The following TRIM33 variants were observed in gnomAD, a reference collection of about 807,000 sequenced individuals.
TRIM33 encodes the protein E3 ubiquitin-protein ligase TRIM33.
Under a neutral mutation model 125.4 loss-of-function variants are expected in TRIM33, and 20 were observed. The observed-to-expected ratio is 0.16, with a 90% CI of 0.11 to 0.23. The LOEUF (loss-of-function observed/expected upper bound fraction) is 0.23, where lower values mean the gene tolerates loss of function less well. Ranked by LOEUF, TRIM33 falls within the 10% of genes least tolerant of loss-of-function variation. The pLI is 1.00. For missense variants in TRIM33, 920 were observed against 1,411.4 expected (o/e 0.65, Z 5.58); for synonymous variants, 564 against 513.9 (o/e 1.10, Z -1.32).
At chr1:114,484,706 T>TA (rs997594572) in intron 1 of TRIM33, among the ~76,000 whole-genome samples, 1 of 151,826 alleles carries the variant, frequency 6.6e-6, no homozygotes, top group Admixed American at 6.6e-5. Flanking sequence ...CTACTAAAAA[T>TA]AAAGAAAAAT....
In TRIM33 at chr1:114,502,192, C is replaced by A. The variant is rs555640492; in HGVS notation, c.526+8359G>T. Among the ~76,000 whole-genome samples the A allele has an allele frequency of 5.9e-5, 9 of 152,270 alleles. No homozygotes were observed. The East Asian group carries it at 1.7e-3, about 29-fold the overall frequency. On this transcript the variant is annotated intron_variant, in intron 1 of 19. Coordinates refer to ENST00000358465, the MANE Select transcript of TRIM33 (RefSeq NM_015906.4). ...GGCTTTTTCTGAACTGTTATGGGTA[C>A]TCCAAAATGAAGAACTATAAATGTA...
At chr1:114,428,023 A>G (rs1647700541) in intron 6 of TRIM33, 129 bp from the exon 7 acceptor site, 2 of 917,990 alleles carry the variant, frequency 2.2e-6, no homozygotes, top group Non-Finnish European at 3.2e-6. Context: ...CTCCATGATT[A>G]TTTAGCAAGC....
chr1:114,435,230 C>T (rs953532514), intron 4 of TRIM33, among the ~76,000 whole-genome samples: 2 of 152,168 alleles, frequency 1.3e-5, no homozygotes, highest in African/African-American at 4.8e-5. Flanking sequence ...AAGACAGTAA[C>T]TCATATCAGA....
chr1:114,424,786 A>G, intron 9 of TRIM33, 31 bp from the exon 10 acceptor site: 1 of 1,368,250 alleles, frequency 7.3e-7, no homozygotes, highest in African/African-American at 1.5e-5. Flanking sequence ...AATTTATGTA[A>G]TAATTTTAAA....
At position 114,430,907 on chromosome 1, in the gene TRIM33, T is replaced by C; in HGVS notation, c.1046A>G (p.Lys349Arg). 6.5e-7 allele frequency: 1 copy of C among 1,547,120 alleles called. No homozygotes were observed. The highest frequency in any genetic ancestry group is 8.9e-7 in the Non-Finnish European group (1 of 1,119,398). The change falls in exon 6 of 20, where the codon AAA becomes AGA. Residue 349 changes from lysine (K) to arginine (R), a missense_variant. Lys to Arg is a conservative substitution (Grantham distance 26). This residue lies in a region of TRIM33 where 50 missense variants were observed against 110.8 expected (regional missense o/e 0.45). Coordinates refer to ENST00000358465, the MANE Select transcript of TRIM33 (RefSeq NM_015906.4). ...FAATQVQNRI[K>R]EVNETNKRVE... ...TCGTTTGTTAGTCTCATTTACTTCT[T>C]TTATCCTGAATAAGAGAAATGCATC...
chr1:114,405,314 T>C (rs752431537), intron 15 of TRIM33, 96 bp downstream of exon 15: 7 of 873,782 alleles, frequency 8.0e-6, no homozygotes, highest in Non-Finnish European at 1.3e-5. Flanking sequence ...AGAAATACTA[T>C]GCACTGGTTA....
At chr1:114,487,903 CAAAAAAAAAAA>C (rs573681532) in intron 1 of TRIM33, among the ~76,000 whole-genome samples, 16 of 36,636 alleles carry the variant, frequency 4.4e-4, no homozygotes, top group South Asian at 4.2e-3. Context: ...GACTCCGTCT[CAAAAAAAAAAA>C]AAAAAAAAAA....
rs1051362468 is a variant in TRIM33 at position 114,393,771 on chromosome 1, CACTT to C, written c.*3873_*3876del. The C allele has an allele frequency of 5.3e-5, 11 of 207,234 alleles. No individual in the cohort carries two copies. Among genetic ancestry groups the C allele is most frequent in the Non-Finnish European group, 9.8e-5 (10 of 101,556 alleles). The allele number at this position is 207,234 out of a possible 1,614,324, so 12.8% of individuals were successfully genotyped here. On this transcript the variant is annotated 3_prime_UTR_variant, in exon 20 of 20. Coordinates refer to ENST00000358465, the MANE Select transcript of TRIM33 (RefSeq NM_015906.4). ...AGTACCTTCAATTTTTTTACTCAAACACTTACTTTTAAAAAAATATGCAACTTTC... is the reference window on the plus strand; with the variant it reads ...AGTACCTTCAATTTTTTTACTCAAACACTTTTAAAAAAATATGCAACTTTC...
At position 114,397,998 on chromosome 1, in the gene TRIM33, G is replaced by A; in HGVS notation, c.3121-8C>T. 1 of 1,573,982 alleles carries A rather than the reference G, an allele frequency of 6.4e-7. No individual in the cohort carries two copies. Among genetic ancestry groups the A allele is most frequent in the Non-Finnish European group, 8.6e-7 (1 of 1,168,060 alleles). On this transcript the variant is annotated splice_region_variant and splice_polypyrimidine_tract_variant and intron_variant, in intron 18 of 19. Coordinates refer to ENST00000358465, the MANE Select transcript of TRIM33 (RefSeq NM_015906.4). Reference sequence around the variant, plus strand: ...TTGAACAACTTTCATCATCTAAAAAGGATACCAGAGTCAAAAAAAAAAAAG... The same window carrying A: ...TTGAACAACTTTCATCATCTAAAAAAGATACCAGAGTCAAAAAAAAAAAAG...
chr1:114,450,820 T>C (rs1160183071), intron 4 of TRIM33, among the ~76,000 whole-genome samples: 2 of 152,240 alleles, frequency 1.3e-5, no homozygotes, highest in Admixed American at 6.5e-5. Flanking sequence ...TAAAAATCAT[T>C]GTTCTGGGCA....
At chr1:114,429,191 T>C (rs982248832) in intron 6 of TRIM33, among the ~76,000 whole-genome samples, 2 of 133,842 alleles carry the variant, frequency 1.5e-5, no homozygotes, top group East Asian at 2.1e-4. Flanking sequence ...ACAAGAGTAC[T>C]TTTTTTTTTT....
intron 1 of TRIM33, among the ~76,000 whole-genome samples, chr1:114,495,084 T>C (rs1473168575): frequency 6.6e-6 from 1 of 152,138 alleles, no homozygotes; most frequent in Non-Finnish European, 1.5e-5. Flanking sequence ...TGGCTAATTT[T>C]TGTATTTTTA....
chr1:114,509,305 T>G (rs1014926810), intron 1 of TRIM33, among the ~76,000 whole-genome samples: 7 of 152,222 alleles, frequency 4.6e-5, no homozygotes, highest in African/African-American at 7.2e-5. Flanking sequence ...CTTTGAAATT[T>G]TAATTTTTTT....
At chr1:114,428,637 AAG>A (rs1202510213) in intron 6 of TRIM33, among the ~76,000 whole-genome samples, 1 of 152,226 alleles carries the variant, frequency 6.6e-6, no homozygotes, top group African/African-American at 2.4e-5. Flanking sequence ...TATTTTTCCT[AAG>A]GAAAGAAGCT....
Position 114,410,172 on chromosome 1 carries a change from C to T in TRIM33, c.2194+12G>A. On this transcript the variant is annotated intron_variant, in intron 12 of 19. Transcript: ENST00000358465. Reference sequence around the variant, plus strand: ...AGGTGTTAAAAAATAAGGTAATACCCGTTTGCTTTACCTGATGATCCCGGA... The same window carrying T: ...AGGTGTTAAAAAATAAGGTAATACCTGTTTGCTTTACCTGATGATCCCGGA... 3 of 1,613,700 alleles carry T rather than the reference C, an allele frequency of 1.9e-6. No individual in the cohort carries two copies. The highest frequency in any genetic ancestry group is 2.5e-6 in the Non-Finnish European group (3 of 1,179,830).
At chr1:114,485,129 C>G (rs1329234444) in intron 1 of TRIM33, among the ~76,000 whole-genome samples, 1 of 151,992 alleles carries the variant, frequency 6.6e-6, no homozygotes, top group Non-Finnish European at 1.5e-5. Context: ...TCTAACACTG[C>G]CTTGCAGAGA....
chr1:114,446,771 G>A (rs532066357), intron 4 of TRIM33, among the ~76,000 whole-genome samples: 1 of 152,202 alleles, frequency 6.6e-6, no homozygotes, highest in Non-Finnish European at 1.5e-5. Flanking sequence ...AACAGAGAAA[G>A]GAGCCTGGCA....
At chr1:114,443,577 A>C (rs951967857) in intron 4 of TRIM33, among the ~76,000 whole-genome samples, 3 of 152,112 alleles carry the variant, frequency 2.0e-5, no homozygotes, top group Non-Finnish European at 4.4e-5. Flanking sequence ...GAGAAACCTC[A>C]CTTATATCAT....
At chr1:114,410,069 T>C in intron 12 of TRIM33, 115 bp downstream of exon 12, 1 of 1,277,136 alleles carries the variant, frequency 7.8e-7, no homozygotes, top group Non-Finnish European at 1.1e-6. Context: ...TCTCCCTTTC[T>C]CTCTTCAAGT....
Sources: gnomAD v4.1 joint callset for allele counts (sites outside exome capture counted in the v4.1 genomes callset) on GRCh38, gnomAD v4.1.1 for gene constraint, gnomAD v4.1.1 regional missense constraint, MANE v1.5 for transcripts, NCBI Gene and HGNC (gene_info 2026-07-23, HGNC 2026-07-21) for gene names.